The following COL4A3 variants were observed in gnomAD, a reference collection of about 807,000 sequenced individuals.
COL4A3 encodes the protein collagen alpha-3(IV) chain.
In COL4A3, 135 loss-of-function variants were observed where a neutral mutation model predicts 217.4. The observed-to-expected ratio is 0.62, with a 90% CI of 0.54 to 0.72. COL4A3 has a LOEUF of 0.72. Ranked by LOEUF, COL4A3 falls within the 30% of genes least tolerant of loss-of-function variation. COL4A3 has a pLI of 0.00. For missense variants in COL4A3, 1,868 were observed against 2,119.9 expected (o/e 0.88, Z 2.33); for synonymous variants, 690 against 736.3 (o/e 0.94, Z 1.02).
intron 28 of COL4A3, among the ~76,000 whole-genome samples, chr2:227,278,578 T>C (rs1252559985): frequency 3.9e-5 from 6 of 152,170 alleles, no homozygotes; most frequent in Non-Finnish European, 5.9e-5. Context: ...TCTCCTGGAG[T>C]CTTAAGAATG....
chr2:227,290,863 A>C lies in COL4A3; in HGVS notation c.3187A>C (p.Arg1063=), dbSNP rs1211084866. ...KGEPGYSEGT[R]PGPPGPTGDP... is the part of the protein sequence containing the mutation. ...AGAGCCAGGTTATTCAGAAGGTACAAGGCCAGGACCACCGGGACCAACGGT... is the reference window on the plus strand; with the variant it reads ...AGAGCCAGGTTATTCAGAAGGTACACGGCCAGGACCACCGGGACCAACGGT... The change falls in exon 37 of 52, where the codon AGG becomes CGG. Residue 1063 remains arginine (R), a synonymous_variant. Coordinates refer to ENST00000396578, the MANE Select transcript of COL4A3 (RefSeq NM_000091.5). The C allele has an allele frequency of 1.9e-6, 3 of 1,613,290 alleles. No individual in the cohort carries two copies. The highest frequency in any genetic ancestry group is 1.1e-5 in the South Asian group (1 of 90,860).
intron 1 of COL4A3, among the ~76,000 whole-genome samples, chr2:227,228,120 A>G (rs1430902674): frequency 6.6e-6 from 1 of 152,182 alleles, no homozygotes; most frequent in Non-Finnish European, 1.5e-5. Flanking sequence ...ACATGTCTAG[A>G]CTAGTGATGT....
intron 21 of COL4A3, among the ~76,000 whole-genome samples, chr2:227,264,287 G>A (rs2070763176): frequency 6.6e-6 from 1 of 152,134 alleles, no homozygotes; most frequent in African/African-American, 2.4e-5. Flanking sequence ...GGAGAAAGAG[G>A]CAAGAATTTA....
chr2:227,229,809 G>A (rs771105343), intron 1 of COL4A3, among the ~76,000 whole-genome samples: 1 of 152,166 alleles, frequency 6.6e-6, no homozygotes, highest in South Asian at 2.1e-4. Flanking sequence ...AGCACTGTGG[G>A]AGGCCAAGGT....
intron 43 of COL4A3, among the ~76,000 whole-genome samples, chr2:227,299,499 T>G (rs2106254602): frequency 6.6e-6 from 1 of 152,116 alleles, no homozygotes; most frequent in East Asian, 1.9e-4. Flanking sequence ...TCCCACTGGG[T>G]CCTTCCCAGG....
At chr2:227,279,265 T>G (rs111478478) in intron 28 of COL4A3, among the ~76,000 whole-genome samples, 79 of 151,398 alleles carry the variant, frequency 5.2e-4, no homozygotes, top group East Asian at 1.8e-3. Context: ...TGTTGTTTTT[T>G]TTGTTGTTGT....
intron 7 of COL4A3, chr2:227,246,973 T>C (rs1163341990): frequency 6.2e-6 from 4 of 644,598 alleles, no homozygotes; most frequent in East Asian, 6.2e-5. Context: ...TGAGAGGTAC[T>C]TGGATTCACT....
chr2:227,165,288 C>G (rs935283311), intron 1 of COL4A3, among the ~76,000 whole-genome samples: 6 of 152,134 alleles, frequency 3.9e-5, no homozygotes, highest in Admixed American at 3.9e-4. Context: ...AAACCCTGAC[C>G]TCTCTGGGGC....
intron 1 of COL4A3, among the ~76,000 whole-genome samples, chr2:227,211,502 T>C (rs1175292660): frequency 8.5e-5 from 13 of 152,204 alleles, no homozygotes. Flanking sequence ...CAGGGTGGAA[T>C]TGCTGTAGGT....
intron 40 of COL4A3, 81 bp from the exon 41 acceptor site, chr2:227,295,188 G>A (rs750479857): frequency 1.3e-5 from 19 of 1,518,546 alleles, no homozygotes; most frequent in Admixed American, 1.2e-4. Flanking sequence ...ACATGTTTTC[G>A]GTGTGTACTA....
rs1472111840 is a variant in COL4A3, at chr2:227,204,235, G to T, written c.88-33733G>T. On this transcript the variant is annotated intron_variant, in intron 1 of 51. Transcript: ENST00000396578. ...TTTCTCATTTGTAATATGCAATAAG[G>T]ATTAAATAAGTTATTAGAAATAATG... Among the ~76,000 whole-genome samples the T allele has an allele frequency of 2.0e-5, 3 of 152,040 alleles. No homozygotes were observed. In the East Asian group the frequency reaches 5.8e-4, roughly 29 times the overall value.
In COL4A3 at chr2:227,308,992, A is replaced by G. The variant is rs1273836306; in HGVS notation, c.4556A>G (p.Tyr1519Cys). Residue 1519 changes from tyrosine (Y) to cysteine (C), a missense_variant, in exon 49 of 52, where the codon TAT (tyrosine) becomes TGT (cysteine). Tyr to Cys is a radical substitution (Grantham distance 194). Transcript: ENST00000396578. The part of the protein sequence containing the change: ...DVCNFASRND[Y>C]SYWLSTPALM... ...TGTAATTTTGCATCTCGAAATGATT[A>G]TTCATACTGGCTGTCAACACCAGCT... 2.5e-6 allele frequency: 4 copies of G among 1,614,194 alleles called. No homozygotes were observed. Among genetic ancestry groups the G allele is most frequent in the South Asian group, 1.1e-5 (1 of 91,088 alleles).
intron 43 of COL4A3, among the ~76,000 whole-genome samples, chr2:227,301,432 C>T (rs55700150): frequency 0.058 from 8,754 of 152,242 alleles, 344 homozygotes; most frequent in African/African-American, 0.098. Flanking sequence ...TTAGGAATCG[C>T]TCTTAAGTAC....
At chr2:227,278,801 A>G (rs1410966381) in intron 28 of COL4A3, among the ~76,000 whole-genome samples, 1 of 152,220 alleles carries the variant, frequency 6.6e-6, no homozygotes, top group Non-Finnish European at 1.5e-5. Context: ...ACAATTTCAC[A>G]ATTGAATCTA....
intron 24 of COL4A3, 55 bp from the exon 25 acceptor site, chr2:227,270,715 A>G: frequency 6.4e-7 from 1 of 1,566,852 alleles, no homozygotes; most frequent in Non-Finnish European, 8.8e-7. Context: ...TTTAAGATTG[A>G]CAGAAGAAGA....
chr2:227,195,652 C>CAG (rs1491298184), intron 1 of COL4A3, among the ~76,000 whole-genome samples: 34 of 139,292 alleles, frequency 2.4e-4, no homozygotes, highest in African/African-American at 4.0e-4. Context: ...GAGTCTATGC[C>CAG]ACATATATAT....
At chr2:227,204,773 A>G (rs1035945625) in intron 1 of COL4A3, among the ~76,000 whole-genome samples, 7 of 152,218 alleles carry the variant, frequency 4.6e-5, no homozygotes, top group Non-Finnish European at 1.0e-4. Context: ...GAAACCTAAA[A>G]TATTCCTTTA....
Position 227,290,808 on chromosome 2 carries a change from AG to A in COL4A3, c.3134del (p.Gly1045ValfsTer109). 6.2e-7 allele frequency: 1 copy of A among 1,613,574 alleles called. No homozygotes were observed. Among genetic ancestry groups the A allele is most frequent in the Non-Finnish European group, 8.5e-7 (1 of 1,179,730 alleles). Reference protein sequence around the residue: ...PGRAGRPGLPGIHGLQGDKGE... With the variant: ...PGRAGRPGLPXIHGLQGDKGE... Reference sequence around the variant, plus strand: ...GTCGAGCAGGAAGACCAGGCCTCCCAGGTATTCATGGTCTCCAGGGAGATAA... The same window carrying A: ...GTCGAGCAGGAAGACCAGGCCTCCCAGTATTCATGGTCTCCAGGGAGATAA... On this transcript the variant is annotated frameshift_variant, in exon 37 of 52. Coordinates refer to ENST00000396578, the MANE Select transcript of COL4A3 (RefSeq NM_000091.5). LOFTEE classifies it high-confidence loss of function.
At chr2:227,243,835 A>C (rs1680146426) in intron 3 of COL4A3, among the ~76,000 whole-genome samples, 2 of 152,210 alleles carry the variant, frequency 1.3e-5, no homozygotes, top group South Asian at 4.1e-4. Flanking sequence ...TGTCAGGCAC[A>C]TTTTGTTAAT....
Sources: gnomAD v4.1 joint callset for allele counts (sites outside exome capture counted in the v4.1 genomes callset) on GRCh38, gnomAD v4.1.1 for gene constraint, MANE v1.5 for transcripts, NCBI Gene and HGNC (gene_info 2026-07-23, HGNC 2026-07-21) for gene names.